Variants in MECOM observed in about 807,000 individuals in gnomAD.
The protein encoded by MECOM is MDS1 and EVI1 complex locus, also known as histone-lysine N-methyltransferase MECOM.
Under a neutral mutation model 116.3 loss-of-function variants are expected in MECOM, and 13 were observed. That is an observed-to-expected ratio of 0.11 (90% CI 0.07 to 0.18). The LOEUF is 0.18. Ranked by LOEUF, MECOM falls within the 10% of genes least tolerant of loss-of-function variation. The pLI is 1.00. For missense variants in MECOM, 1,299 were observed against 1,509.0 expected (o/e 0.86, Z 2.31); for synonymous variants, 528 against 535.2 (o/e 0.99, Z 0.19).
intron 2 of MECOM, among the ~76,000 whole-genome samples, chr3:169,151,973 C>A (rs1004920793): frequency 6.6e-6 from 1 of 152,136 alleles, no homozygotes; most frequent in Non-Finnish European, 1.5e-5. Flanking sequence ...TAAACTAGAT[C>A]AGAAAGCCAT....
At chr3:169,375,165 G>A (rs1222067140) in intron 2 of MECOM, among the ~76,000 whole-genome samples, 10 of 151,762 alleles carry the variant, frequency 6.6e-5, no homozygotes, top group African/African-American at 2.4e-4. Flanking sequence ...TGTGTATACA[G>A]CTAAAGCAGT....
chr3:169,405,063 G>A (rs79973355), intron 1 of MECOM, among the ~76,000 whole-genome samples: 1 of 152,166 alleles, frequency 6.6e-6, no homozygotes, highest in East Asian at 1.9e-4. Flanking sequence ...TGGCCACTCT[G>A]GCTTCTCCCA....
At chr3:169,357,158 T>C (rs1045547227) in intron 2 of MECOM, among the ~76,000 whole-genome samples, 1 of 151,860 alleles carries the variant, frequency 6.6e-6, no homozygotes, top group Non-Finnish European at 1.5e-5. Context: ...TTAAATAGTT[T>C]AGATAATTTT....
At chr3:169,447,591 C>T (rs1009494428) in intron 1 of MECOM, among the ~76,000 whole-genome samples, 12 of 152,200 alleles carry the variant, frequency 7.9e-5, no homozygotes, top group African/African-American at 2.9e-4. Flanking sequence ...AAAATGTCAA[C>T]TCTGTCACTG....
At chr3:169,379,307 G>A (rs1049158073) in intron 2 of MECOM, among the ~76,000 whole-genome samples, 31 of 151,978 alleles carry the variant, frequency 2.0e-4, no homozygotes, top group Non-Finnish European at 2.5e-4. Context: ...AAGGGTAATC[G>A]TTAAAATGAT....
chr3:169,654,033 G>A (rs1341617797), intron 1 of MECOM, among the ~76,000 whole-genome samples: 1 of 152,122 alleles, frequency 6.6e-6, no homozygotes, highest in African/African-American at 2.4e-5. Flanking sequence ...TTATATGCAT[G>A]GTTCATCACT....
chr3:169,304,152 T>G (rs929556036), intron 2 of MECOM, among the ~76,000 whole-genome samples: 1 of 152,238 alleles, frequency 6.6e-6, no homozygotes. Context: ...AGTATAGTTT[T>G]GGGCTCAGAA....
intron 2 of MECOM, among the ~76,000 whole-genome samples, chr3:169,215,213 C>T (rs1184872945): frequency 6.8e-6 from 1 of 146,844 alleles, no homozygotes; most frequent in South Asian, 2.1e-4. Flanking sequence ...CCAGGAGACT[C>T]ATTGTCTTTT....
chr3:169,662,421 T>C (rs559072061), intron 1 of MECOM, among the ~76,000 whole-genome samples: 1 of 152,262 alleles, frequency 6.6e-6, no homozygotes, highest in South Asian at 2.1e-4. Flanking sequence ...CTCCTGCTCC[T>C]AGGCTGCCGC....
intron 8 of MECOM, among the ~76,000 whole-genome samples, chr3:169,113,274 G>T (rs1274293476): frequency 6.6e-6 from 1 of 151,908 alleles, no homozygotes; most frequent in Non-Finnish European, 1.5e-5. Context: ...CCAAGAAGGT[G>T]TTCTCCCAAA....
At chr3:169,562,685 G>T (rs747215601) in intron 1 of MECOM, among the ~76,000 whole-genome samples, 5 of 152,098 alleles carry the variant, frequency 3.3e-5, no homozygotes, top group Non-Finnish European at 5.9e-5. Flanking sequence ...CTCCAGAAAG[G>T]AGCCATGCTT....
rs1048405483 is a variant in MECOM, at chr3:169,663,695, C to T, written c.-323G>A. ...CACCTTCGCACATGCGCGCTAGACG[C>T]CCCTCCAACATCTCAGCGCCGCCAA... On this transcript the variant is annotated 5_prime_UTR_variant, in exon 1 of 17. Transcript: ENST00000651503. 8.3e-6 allele frequency: 3 copies of T among 360,674 alleles called. No homozygotes were observed. Among genetic ancestry groups the T allele is most frequent in the Admixed American group, 4.6e-5 (1 of 21,656 alleles). The allele number at this position is 360,674 out of a possible 1,614,324, so 22.3% of individuals were successfully genotyped here.
chr3:169,417,990 GAGA>G (rs1738989721), intron 1 of MECOM, among the ~76,000 whole-genome samples: 1 of 151,574 alleles, frequency 6.6e-6, no homozygotes, highest in African/African-American at 2.4e-5. Context: ...ATAGCATTAG[GAGA>G]TATACCTAAT....
At position 169,614,265 on chromosome 3, in the gene MECOM, C is replaced by T. The variant is rs541139132; in HGVS notation, c.37+49071G>A. Among the ~76,000 whole-genome samples the T allele has an allele frequency of 2.0e-5, 3 of 151,906 alleles. No individual in the cohort carries two copies. The East Asian group carries it at 5.8e-4, about 29-fold the overall frequency. On this transcript the variant is annotated intron_variant, in intron 1 of 16. Coordinates refer to ENST00000651503, the MANE Select transcript of MECOM (RefSeq NM_004991.4). ...CCATACTCTTAACAAAATACTAGAT[C>T]ACTGAGGATGCCTGTCCAAAATTCC...
intron 1 of MECOM, among the ~76,000 whole-genome samples, chr3:169,393,721 C>T (rs1000821099): frequency 2.0e-5 from 3 of 151,856 alleles, no homozygotes; most frequent in Non-Finnish European, 4.4e-5. Context: ...TCTGGTAAAC[C>T]TTCTTTAACT....
chr3:169,581,034 C>T (rs1380808424), intron 1 of MECOM, among the ~76,000 whole-genome samples: 1 of 152,156 alleles, frequency 6.6e-6, no homozygotes. Context: ...CAGAATGTGG[C>T]TTGAAGAAGA....
intron 2 of MECOM, among the ~76,000 whole-genome samples, chr3:169,263,100 TA>T: frequency 1.4e-5 from 1 of 70,106 alleles, no homozygotes; most frequent in African/African-American, 8.4e-5. Context: ...TATATATATA[TA>T]TATATATATA....
At chr3:169,304,656 T>G (rs1337680969) in intron 2 of MECOM, among the ~76,000 whole-genome samples, 1 of 152,202 alleles carries the variant, frequency 6.6e-6, no homozygotes, top group African/African-American at 2.4e-5. Flanking sequence ...ATCACCTCAA[T>G]CAATAACCTG....
At chr3:169,327,773 T>TC (rs911321008) in intron 2 of MECOM, among the ~76,000 whole-genome samples, 1 of 152,094 alleles carries the variant, frequency 6.6e-6, no homozygotes, top group African/African-American at 2.4e-5. Context: ...ACACACTCTA[T>TC]CATTACTGAG....
Sources: gnomAD v4.1 joint callset for allele counts (sites outside exome capture counted in the v4.1 genomes callset) on GRCh38, gnomAD v4.1.1 for gene constraint, MANE v1.5 for transcripts, NCBI Gene and HGNC (gene_info 2026-07-23, HGNC 2026-07-21) for gene names.